Variants in DNAH2 observed in about 807,000 individuals in gnomAD.
DNAH2 encodes dynein axonemal heavy chain 2.
A neutral mutation model predicts 523.5 loss-of-function variants in DNAH2; 323 were observed. That is an observed-to-expected ratio of 0.62 (90% CI 0.56 to 0.68). The LOEUF (loss-of-function observed/expected upper bound fraction) is 0.68, where lower values mean the gene tolerates loss of function less well. Ranked by LOEUF, DNAH2 falls within the 30% of genes least tolerant of loss-of-function variation. The probability of loss-of-function intolerance (pLI) is 0.00; values close to 1 mark genes in which losing one functional copy is unlikely to be tolerated. For synonymous variants in DNAH2, 2,093 were observed against 2,177.4 expected (o/e 0.96, Z 1.08); for missense variants, 4,907 against 5,701.5 (o/e 0.86, Z 4.49).
chr17:7,735,548 C>T (rs1322512712), intron 7 of DNAH2, among the ~76,000 whole-genome samples: 1 of 152,026 alleles, frequency 6.6e-6, no homozygotes, highest in Non-Finnish European at 1.5e-5. Flanking sequence ...AAGGGATCCT[C>T]CCACATCAGC....
chr17:7,803,935 G>A (rs2077292264), intron 58 of DNAH2, among the ~76,000 whole-genome samples: 1 of 152,256 alleles, frequency 6.6e-6, no homozygotes, highest in African/African-American at 2.4e-5. Flanking sequence ...CAGCCCACCT[G>A]CCTGTTCCAC....
At chr17:7,757,357 T>C in intron 13 of DNAH2, 120 bp downstream of exon 13, 1 of 1,277,274 alleles carries the variant, frequency 7.8e-7, no homozygotes. Flanking sequence ...CTTTTCCATC[T>C]CAAAAAAAAA....
chr17:7,767,806 G>A, intron 22 of DNAH2, 94 bp from the exon 23 acceptor site: 1 of 1,529,106 alleles, frequency 6.5e-7, no homozygotes, highest in South Asian at 1.2e-5. Flanking sequence ...TAGAGGGGAA[G>A]CTTCACAGAG....
At chr17:7,750,467 G>T (rs1262342212) in intron 12 of DNAH2, among the ~76,000 whole-genome samples, 1 of 152,048 alleles carries the variant, frequency 6.6e-6, no homozygotes, top group African/African-American at 2.4e-5. Flanking sequence ...CCTTTGTTTT[G>T]TTGGTGTGTA....
At chr17:7,738,988 G>A (rs746374153) in intron 8 of DNAH2, 23 of 702,764 alleles carry the variant, frequency 3.3e-5, no homozygotes. Flanking sequence ...TGATGCCTTT[G>A]TGCAGCGCTG....
At chr17:7,825,717 C>T (rs1400715094) in intron 77 of DNAH2, among the ~76,000 whole-genome samples, 1 of 152,184 alleles carries the variant, frequency 6.6e-6, no homozygotes, top group Non-Finnish European at 1.5e-5. Context: ...AGAAATTGTC[C>T]TTTTCATGAT....
chr17:7,822,930 G>A (rs2077899897), intron 73 of DNAH2, among the ~76,000 whole-genome samples: 2 of 152,150 alleles, frequency 1.3e-5, no homozygotes, highest in Non-Finnish European at 2.9e-5. Context: ...GAGGGCTAAG[G>A]GCAGGGTCTG....
chr17:7,727,727 G>A lies in DNAH2; in HGVS notation c.399+435G>A, dbSNP rs185399191. Among the ~76,000 whole-genome samples the A allele has an allele frequency of 2.2e-5, 3 of 135,624 alleles. No individual in the cohort carries two copies. The East Asian group carries it at 6.3e-4, about 28-fold the overall frequency. The allele number at this position is 135,624 out of a possible 152,430, so 89.0% of individuals were successfully genotyped here. ...GCCAAGATCATGCCACTGCACTCCA[G>A]CCTGGTGACAGAGAAAGACTCTGTC... On this transcript the variant is annotated intron_variant, in intron 4 of 85. Coordinates refer to ENST00000572933, the MANE Select transcript of DNAH2 (RefSeq NM_020877.5).
At chr17:7,796,674 C>T (rs1316179174) in intron 50 of DNAH2, 22 bp downstream of exon 50, 6 of 1,600,796 alleles carry the variant, frequency 3.7e-6, no homozygotes, top group African/African-American at 1.4e-5. Context: ...CCTGACCTTG[C>T]CCCTTCTGCT....
intron 49 of DNAH2, among the ~76,000 whole-genome samples, chr17:7,795,339 G>A (rs531556144): frequency 1.3e-5 from 2 of 151,992 alleles, no homozygotes; most frequent in Non-Finnish European, 2.9e-5. Flanking sequence ...AAATGTTTGT[G>A]TTTGTTCCTC....
chr17:7,830,922 T>G, intron 79 of DNAH2, 80 bp downstream of exon 79: 2 of 1,577,836 alleles, frequency 1.3e-6, no homozygotes, highest in Non-Finnish European at 1.7e-6. Context: ...GGGGTAATGT[T>G]TGAGGAGAGG....
rs375311168 is a variant in DNAH2 at position 7,743,502 on chromosome 17, C to CA, written c.1904+366dup. On this transcript the variant is annotated intron_variant, in intron 12 of 85. Transcript: ENST00000572933. ...GCAACATGGCAAAACCCAGTCTCTGCAAAAAATACAAAGATTAGCTGGGCG... is the reference window on the plus strand; with the variant it reads ...GCAACATGGCAAAACCCAGTCTCTGCAAAAAAATACAAAGATTAGCTGGGCG... 5.3e-5 allele frequency: 33 copies of CA among 626,832 alleles called. No individual in the cohort carries two copies. In the African/African-American group the frequency reaches 5.9e-4, roughly 11 times the overall value. The allele number at this position is 626,832 out of a possible 1,614,324, so 38.8% of individuals were successfully genotyped here.
At chr17:7,734,146 C>A in intron 5 of DNAH2, 37 bp from the exon 6 acceptor site, 2 of 1,539,552 alleles carry the variant, frequency 1.3e-6, no homozygotes, top group Non-Finnish European at 1.8e-6. Context: ...AAGAACTCAT[C>A]CCCTCTGTCC....
Position 7,786,677 on chromosome 17 carries a change from G to A in DNAH2, c.6456G>A (p.Thr2152=), listed in dbSNP as rs1356660267. Residue 2152 remains threonine, a synonymous_variant, in exon 41 of 86, where the codon ACG becomes ACA. Transcript: ENST00000572933. The surrounding 1 kb of genome is among the most constrained non-coding windows in gnomAD (Gnocchi z 7.5). ...TDGILSSVMR[T]ACADEKPDEK... ...GCATCTTGTCCAGTGTCATGCGGACGGCATGTGCAGGTATCCAGAGGATCG... is the reference window on the plus strand; with the variant it reads ...GCATCTTGTCCAGTGTCATGCGGACAGCATGTGCAGGTATCCAGAGGATCG... 4 of 1,613,694 alleles carry A rather than the reference G, an allele frequency of 2.5e-6. No individual in the cohort carries two copies. Among genetic ancestry groups the A allele is most frequent in the African/African-American group, 1.3e-5 (1 of 74,888 alleles).
chr17:7,818,401 C>T lies in DNAH2; in HGVS notation c.10477C>T (p.His3493Tyr). Residue 3493 changes from histidine (H) to tyrosine (Y), a missense_variant, in exon 69 of 86, where the codon CAC becomes TAC. Transcript: ENST00000572933. ...CATCACCACCAAGCTCTCCAACCCC[C>T]ACTACAGCCCAGAGACCTCAGCCAA... is the stretch of plus-strand genomic sequence containing the variant. ...FYITTKLSNP[H>Y]YSPETSAKTT... 4 of 1,614,224 alleles carry T rather than the reference C, an allele frequency of 2.5e-6. No homozygotes were observed. The highest frequency in any genetic ancestry group is 3.4e-6 in the Non-Finnish European group (4 of 1,180,046).
Position 7,801,699 on chromosome 17 carries a change from A to G in DNAH2, c.8821A>G (p.Thr2941Ala). The part of the protein sequence containing the change: ...EKCLIGVDLG[T>A]QENIHRKVAQ... ...GTGCCTCATAGGAGTAGACCTGGGA[A>G]CTCAGGAGAATGTGAGCCCCTCCTC... The change falls in exon 57 of 86, where the codon ACT becomes GCT. Residue 2941 changes from threonine to alanine, a missense_variant. Thr to Ala is a moderately conservative substitution (Grantham distance 58). This residue lies in a region of DNAH2 where 1,851 missense variants were observed against 2,139.4 expected (regional missense o/e 0.87). Coordinates refer to ENST00000572933, the MANE Select transcript of DNAH2 (RefSeq NM_020877.5). 1.2e-6 allele frequency: 2 copies of G among 1,613,776 alleles called. No individual in the cohort carries two copies. Among genetic ancestry groups the G allele is most frequent in the Non-Finnish European group, 1.7e-6 (2 of 1,179,926 alleles).
At chr17:7,829,538 A>G (rs915432146) in intron 77 of DNAH2, among the ~76,000 whole-genome samples, 1 of 152,222 alleles carries the variant, frequency 6.6e-6, no homozygotes, top group Non-Finnish European at 1.5e-5. Flanking sequence ...CATGGAGACT[A>G]ATAATGCCAA....
intron 12 of DNAH2, among the ~76,000 whole-genome samples, chr17:7,756,003 G>C (rs1267375934): frequency 6.6e-6 from 1 of 151,954 alleles, no homozygotes; most frequent in Non-Finnish European, 1.5e-5. Flanking sequence ...TTGGGTGCTG[G>C]GTGAGGTGGG....
intron 8 of DNAH2, 30 bp downstream of exon 8, chr17:7,737,288 G>A: frequency 1.3e-6 from 2 of 1,598,822 alleles, no homozygotes; most frequent in Non-Finnish European, 1.7e-6. Context: ...GGGATGGAGG[G>A]GTTTATGAGG....
Sources: gnomAD v4.1 joint callset for allele counts (sites outside exome capture counted in the v4.1 genomes callset) on GRCh38, gnomAD v4.1.1 for gene constraint, gnomAD v4.1.1 regional missense constraint, Gnocchi (gnomAD v3.1) non-coding constraint, MANE v1.5 for transcripts, NCBI Gene and HGNC (gene_info 2026-07-23, HGNC 2026-07-21) for gene names.